RPS6KA2: variants seen among roughly 807,000 people sequenced by gnomAD.
RPS6KA2 encodes ribosomal protein S6 kinase alpha-2.
A neutral mutation model predicts 91.8 loss-of-function variants in RPS6KA2; 42 were observed. That is an observed-to-expected ratio of 0.46 (90% CI 0.36 to 0.59). The LOEUF (loss-of-function observed/expected upper bound fraction) is 0.59, where lower values mean the gene tolerates loss of function less well. RPS6KA2 is among the 20% of genes least tolerant of loss of function. The pLI, the probability that RPS6KA2 is intolerant of heterozygous loss-of-function variation, is 0.00. For missense variants in RPS6KA2, 798 were observed against 978.5 expected (o/e 0.82, Z 2.46); for synonymous variants, 414 against 393.6 (o/e 1.05, Z -0.61).
rs1789128974 is a variant in RPS6KA2, at chr6:166,689,370, C to A, written c.124-150586G>T. Among the ~76,000 whole-genome samples, 3 of 152,214 alleles carry A rather than the reference C, an allele frequency of 2.0e-5. No homozygotes were observed. In the South Asian group the frequency reaches 6.2e-4, roughly 32 times the overall value. On this transcript the variant is annotated intron_variant, in intron 2 of 21. Coordinates refer to the RPS6KA2 transcript ENST00000503859. ...AGAACTCTCTGCACACAGGCACCTGCCACGGATATGTGTGCGTGGCTTCCC... is the reference window on the plus strand; with the variant it reads ...AGAACTCTCTGCACACAGGCACCTGACACGGATATGTGTGCGTGGCTTCCC...
At chr6:166,526,080 A>G (rs1277121711) in intron 3 of RPS6KA2, among the ~76,000 whole-genome samples, 1 of 151,250 alleles carries the variant, frequency 6.6e-6, no homozygotes, top group Non-Finnish European at 1.5e-5. Flanking sequence ...TCCTCTCCAC[A>G]TAACTCCGCT....
intron 2 of RPS6KA2, among the ~76,000 whole-genome samples, chr6:166,785,807 C>T (rs562509488): frequency 1.2e-4 from 18 of 152,248 alleles, no homozygotes; most frequent in Admixed American, 5.2e-4. Context: ...TTATATGAGA[C>T]TTAAGTCATT....
At chr6:166,694,241 G>A (rs531822981) in intron 2 of RPS6KA2, among the ~76,000 whole-genome samples, 2 of 152,310 alleles carry the variant, frequency 1.3e-5, no homozygotes, top group South Asian at 4.1e-4. Flanking sequence ...CACAGGAACC[G>A]GCTGCTTTAT....
chr6:166,487,139 T>C (rs1781440770), intron 10 of RPS6KA2, among the ~76,000 whole-genome samples: 1 of 152,268 alleles, frequency 6.6e-6, no homozygotes, highest in Non-Finnish European at 1.5e-5. Flanking sequence ...TGGAGAGATT[T>C]CTGGAAGTAA....
intron 10 of RPS6KA2, among the ~76,000 whole-genome samples, chr6:166,485,895 G>A (rs1362724229): frequency 6.6e-6 from 1 of 152,188 alleles, no homozygotes; most frequent in Non-Finnish European, 1.5e-5. Flanking sequence ...CTCAGGGGGT[G>A]AGGTCTTGCC....
In RPS6KA2 at chr6:166,708,660, C is replaced by T. The variant is rs114324262; in HGVS notation, c.123+149540G>A. ...TACTTACACACCCGCTGAGAGTTCT[C>T]GTCACCAGGCAGTGCACACTGCTAA... On this transcript the variant is annotated intron_variant, in intron 2 of 21. Coordinates refer to the RPS6KA2 transcript ENST00000503859. Among the ~76,000 whole-genome samples the T allele has an allele frequency of 4.4e-3, 673 of 152,330 alleles. 4 individuals carry two copies. The highest frequency in any genetic ancestry group is 0.016 in the African/African-American group (648 of 41,572).
intron 2 of RPS6KA2, among the ~76,000 whole-genome samples, chr6:166,789,993 T>C (rs534191071): frequency 2.6e-5 from 4 of 152,178 alleles, no homozygotes; most frequent in African/African-American, 7.2e-5. Context: ...TCACCAGCAA[T>C]GGAACAAAGC....
intron 2 of RPS6KA2, among the ~76,000 whole-genome samples, chr6:166,747,767 C>T (rs934344295): frequency 2.0e-5 from 3 of 152,244 alleles, no homozygotes; most frequent in African/African-American, 7.2e-5. Flanking sequence ...CAGGTCCAAG[C>T]TGCCTGACTG....
chr6:166,599,843 T>G (rs1335642503), intron 1 of RPS6KA2, among the ~76,000 whole-genome samples: 2 of 152,030 alleles, frequency 1.3e-5, no homozygotes, highest in African/African-American at 4.8e-5. Context: ...TCCTTCCCAC[T>G]CCATCTCCAT....
At chr6:166,758,245 T>C (rs543615824) in intron 2 of RPS6KA2, among the ~76,000 whole-genome samples, 2 of 152,176 alleles carry the variant, frequency 1.3e-5, no homozygotes, top group South Asian at 2.1e-4. Flanking sequence ...GGTGCGAGGA[T>C]GTCATCACCC....
chr6:166,862,278 G>A (rs1470066616), exon 1 of RPS6KA2: 9 of 1,588,422 alleles, frequency 5.7e-6, no homozygotes, highest in Non-Finnish European at 6.8e-6. Context: ...GGAAGCCAAG[G>A]GACGCAGAGG....
intron 2 of RPS6KA2, among the ~76,000 whole-genome samples, chr6:166,743,655 C>T (rs997014641): frequency 7.2e-5 from 11 of 152,230 alleles, no homozygotes; most frequent in African/African-American, 1.9e-4. Context: ...CACACTGACA[C>T]GGGCATTTTA....
In RPS6KA2 at chr6:166,777,824, C is replaced by T. The variant is rs146706588; in HGVS notation, c.123+80376G>A. ...AGCAGAAAATAATTTTAAATGATAG[C>T]ATTTGCAATTGTGAGAGAGAGAGAA... is the stretch of plus-strand genomic sequence containing the variant. On this transcript the variant is annotated intron_variant, in intron 2 of 21. Transcript: ENST00000503859. Among the ~76,000 whole-genome samples, 431 of 151,800 alleles carry T rather than the reference C, an allele frequency of 2.8e-3. 1 individual carries two copies. Among genetic ancestry groups the T allele is most frequent in the African/African-American group, 0.01 (419 of 41,308 alleles).
At chr6:166,700,343 C>CA (rs1297536679) in intron 2 of RPS6KA2, among the ~76,000 whole-genome samples, 8 of 152,124 alleles carry the variant, frequency 5.3e-5, no homozygotes, top group Non-Finnish European at 1.2e-4. Context: ...TCAAAAGCCT[C>CA]AAAAAACCCT....
chr6:166,717,506 G>T (rs1279670075), intron 2 of RPS6KA2, among the ~76,000 whole-genome samples: 1 of 152,216 alleles, frequency 6.6e-6, no homozygotes, highest in East Asian at 1.9e-4. Context: ...GGAGCCAGGT[G>T]AGGAGAGCTG....
chr6:166,522,375 G>C (rs1324686187), intron 3 of RPS6KA2, among the ~76,000 whole-genome samples: 1 of 152,240 alleles, frequency 6.6e-6, no homozygotes, highest in Non-Finnish European at 1.5e-5. Flanking sequence ...CAATAGCTCT[G>C]CTGCCACAAA....
At chr6:166,686,704 G>A (rs1789029344) in intron 2 of RPS6KA2, among the ~76,000 whole-genome samples, 1 of 152,206 alleles carries the variant, frequency 6.6e-6, no homozygotes, top group South Asian at 2.1e-4. Context: ...GTCCATGCCT[G>A]TATCTCCATG....
chr6:166,416,000 C>T (rs1040902412), intron 19 of RPS6KA2, among the ~76,000 whole-genome samples: 1 of 149,512 alleles, frequency 6.7e-6, no homozygotes, highest in African/African-American at 2.5e-5. Context: ...CACCATCCTC[C>T]TCCATCACCC....
intron 3 of RPS6KA2, among the ~76,000 whole-genome samples, chr6:166,515,566 C>T (rs938607720): frequency 2.3e-4 from 35 of 152,316 alleles, no homozygotes; most frequent in Admixed American, 2.1e-3. Context: ...ATATCAGCAT[C>T]GGCGTGACGT....
Sources: gnomAD v4.1 joint callset for allele counts (sites outside exome capture counted in the v4.1 genomes callset) on GRCh38, gnomAD v4.1.1 for gene constraint, MANE v1.5 for transcripts, NCBI Gene and HGNC (gene_info 2026-07-23, HGNC 2026-07-21) for gene names.